Variants in MYO5A observed in about 807,000 individuals in gnomAD.
The protein encoded by MYO5A is unconventional myosin-Va.
In MYO5A, 98 loss-of-function variants were observed where a neutral mutation model predicts 249.7. The observed-to-expected ratio is 0.39, with a 90% CI of 0.33 to 0.46. The LOEUF (loss-of-function observed/expected upper bound fraction) is 0.46. MYO5A is among the 20% of genes least tolerant of loss of function. The pLI is 0.98. For missense variants in MYO5A, 1,696 were observed against 2,308.8 expected, an observed-to-expected ratio of 0.73 and a Z score of 5.44; for synonymous variants, 778 against 810.6, an observed-to-expected ratio of 0.96 and a Z score of 0.68.
chr15:52,415,760 G>C (rs1162545497), intron 5 of MYO5A, among the ~76,000 whole-genome samples: 2 of 152,158 alleles, frequency 1.3e-5, no homozygotes, highest in African/African-American at 4.8e-5. Context: ...GTTTTAGAAG[G>C]AGCATAAATA....
chr15:52,413,276 G>C (rs1326788585), intron 5 of MYO5A, among the ~76,000 whole-genome samples: 2 of 151,826 alleles, frequency 1.3e-5, no homozygotes, highest in Admixed American at 6.6e-5. Context: ...AGATCAGCCT[G>C]GGACAGGCCG....
chr15:52,407,897 C>T (rs1567097201), intron 7 of MYO5A, among the ~76,000 whole-genome samples, 162 bp downstream of exon 7: 2 of 152,180 alleles, frequency 1.3e-5, no homozygotes, highest in African/African-American at 4.8e-5. Flanking sequence ...CTTACTCCTC[C>T]TCTACCCCTA....
intron 1 of MYO5A, among the ~76,000 whole-genome samples, chr15:52,448,290 A>G (rs1431355380): frequency 6.6e-6 from 1 of 152,188 alleles, no homozygotes; most frequent in Non-Finnish European, 1.5e-5. Context: ...TCCTGCTGGG[A>G]TTTAATGACT....
intron 1 of MYO5A, among the ~76,000 whole-genome samples, chr15:52,507,938 G>T (rs1024248282): frequency 3.3e-5 from 5 of 151,906 alleles, no homozygotes; most frequent in African/African-American, 7.3e-5. Context: ...AACATTAAGG[G>T]ACTCTATTAT....
chr15:52,319,688 A>G (rs1488665373), intron 38 of MYO5A, among the ~76,000 whole-genome samples: 1 of 152,178 alleles, frequency 6.6e-6, no homozygotes, highest in Non-Finnish European at 1.5e-5. Context: ...CTGAGACCAC[A>G]TATCTGGGCT....
intron 19 of MYO5A, among the ~76,000 whole-genome samples, chr15:52,375,915 A>G (rs28366864): frequency 0.018 from 2,743 of 152,312 alleles, 53 homozygotes; most frequent in South Asian, 0.057. Flanking sequence ...GCTCATGATT[A>G]ATTCAGTTCT....
At chr15:52,356,210 T>G (rs766977910) in intron 25 of MYO5A, among the ~76,000 whole-genome samples, 26 of 152,294 alleles carry the variant, frequency 1.7e-4, no homozygotes, top group Admixed American at 7.8e-4. Context: ...ATGGTCAAAG[T>G]ATAATTCTTA....
At position 52,405,964 on chromosome 15, in the gene MYO5A, C is replaced by T. The variant is rs1042408061; in HGVS notation, c.947-571G>A. 3.9e-5 allele frequency among the ~76,000 whole-genome samples: 6 copies of T among 152,128 alleles called. No individual in the cohort carries two copies. In the South Asian group the frequency reaches 1.2e-3, roughly 32 times the overall value. On this transcript the variant is annotated intron_variant, in intron 8 of 41. Coordinates refer to ENST00000399233, the MANE Select transcript of MYO5A (RefSeq NM_001382347.1). Reference sequence around the variant, plus strand: ...TTTAAACTACAGACCAAGTATAAGTCAAAGAGACGCCAAGATTAGAAGCGT... The same window carrying T: ...TTTAAACTACAGACCAAGTATAAGTTAAAGAGACGCCAAGATTAGAAGCGT...
At chr15:52,347,468 T>C (rs1050964677) in intron 29 of MYO5A, among the ~76,000 whole-genome samples, 1 of 152,218 alleles carries the variant, frequency 6.6e-6, no homozygotes, top group Non-Finnish European at 1.5e-5. Flanking sequence ...TTTGTCTAAA[T>C]AGTATATGTC....
chr15:52,353,687 A>G (rs1175454842), intron 26 of MYO5A, 29 bp from the exon 27 acceptor site: 1 of 1,604,586 alleles, frequency 6.2e-7, no homozygotes. Context: ...TTTATATTTT[A>G]ATTGTCACAT....
intron 25 of MYO5A, among the ~76,000 whole-genome samples, chr15:52,357,976 T>C (rs937360065): frequency 1.3e-5 from 2 of 152,194 alleles, no homozygotes; most frequent in Non-Finnish European, 2.9e-5. Context: ...CTCCTAATGA[T>C]AGCTGAGAAA....
At chr15:52,392,191 G>A (rs2042269365) in intron 11 of MYO5A, 121 bp from the exon 12 acceptor site, 1 of 965,010 alleles carries the variant, frequency 1.0e-6, no homozygotes, top group Non-Finnish European at 1.6e-6. Context: ...CCTCACGGGA[G>A]AAGCATGATT....
intron 3 of MYO5A, among the ~76,000 whole-genome samples, chr15:52,426,195 G>A (rs924187818): frequency 2.0e-5 from 3 of 152,036 alleles, no homozygotes; most frequent in African/African-American, 7.2e-5. Flanking sequence ...AACTGGACTA[G>A]GTGGCTTAAA....
At chr15:52,502,227 G>A (rs999513242) in intron 1 of MYO5A, among the ~76,000 whole-genome samples, 2 of 152,070 alleles carry the variant, frequency 1.3e-5, no homozygotes, top group Non-Finnish European at 2.9e-5. Flanking sequence ...AGGTTACAGT[G>A]AGCCAAGATC....
chr15:52,371,224 C>T (rs2041096299), intron 21 of MYO5A, among the ~76,000 whole-genome samples: 1 of 152,080 alleles, frequency 6.6e-6, no homozygotes, highest in Admixed American at 6.6e-5. Flanking sequence ...AATCTTCCAT[C>T]CCATTTCATT....
intron 1 of MYO5A, among the ~76,000 whole-genome samples, chr15:52,444,027 A>G (rs1239891543): frequency 6.6e-6 from 1 of 152,174 alleles, no homozygotes; most frequent in Non-Finnish European, 1.5e-5. Flanking sequence ...CCCTCCAGAC[A>G]CTGAAATTAT....
chr15:52,512,927 A>T (rs977200669), intron 1 of MYO5A, among the ~76,000 whole-genome samples: 2 of 151,434 alleles, frequency 1.3e-5, no homozygotes, highest in African/African-American at 4.9e-5. Flanking sequence ...GGAGACGGAG[A>T]CCATGCTGGT....
intron 11 of MYO5A, among the ~76,000 whole-genome samples, chr15:52,392,274 T>G (rs1333223439): frequency 6.6e-6 from 1 of 152,208 alleles, no homozygotes; most frequent in Non-Finnish European, 1.5e-5. Flanking sequence ...CAAGTAAATC[T>G]AGGTATATAA....
At chr15:52,407,598 T>G (rs1239970980) in intron 7 of MYO5A, among the ~76,000 whole-genome samples, 199 bp from the exon 8 acceptor site, 1 of 151,960 alleles carries the variant, frequency 6.6e-6, no homozygotes, top group East Asian at 1.9e-4. Context: ...GGTAAAATAT[T>G]TATAGTTTAT....
Sources: allele counts gnomAD v4.1 joint callset (sites outside exome capture counted in the v4.1 genomes callset), GRCh38; gene constraint gnomAD v4.1.1; transcripts MANE v1.5; gene names NCBI Gene and HGNC (gene_info 2026-07-23, HGNC 2026-07-21).